The following CNTN3 variants were observed in gnomAD, a reference collection of about 807,000 sequenced individuals.
CNTN3 encodes contactin-3.
In CNTN3, 60 loss-of-function variants were observed where a neutral mutation model predicts 119.1. The observed-to-expected ratio is 0.50, with a 90% confidence interval of 0.41 to 0.62. CNTN3 has a LOEUF of 0.62. Ranked by LOEUF, CNTN3 falls within the 20% of genes least tolerant of loss-of-function variation. CNTN3 has a pLI of 0.00. For synonymous variants in CNTN3, 450 were observed against 438.7 expected (o/e 1.03, Z -0.32); for missense variants, 1,101 against 1,242.4 (o/e 0.89, Z 1.71).
At chr3:74,340,592 T>C (rs1056834875) in intron 11 of CNTN3, among the ~76,000 whole-genome samples, 1 of 152,150 alleles carries the variant, frequency 6.6e-6, no homozygotes, top group Non-Finnish European at 1.5e-5. Context: ...CCTATCATTG[T>C]TATTAAAAAG....
At chr3:74,565,549 A>C (rs1158569314) in intron 1 of CNTN3, among the ~76,000 whole-genome samples, 1 of 152,186 alleles carries the variant, frequency 6.6e-6, no homozygotes, top group Non-Finnish European at 1.5e-5. Flanking sequence ...CATAGGTTCC[A>C]GTGATGAAGA....
intron 20 of CNTN3, among the ~76,000 whole-genome samples, chr3:74,271,010 G>GTTTTTATTA (rs1025940325): frequency 6.6e-6 from 1 of 152,100 alleles, no homozygotes; most frequent in Admixed American, 6.5e-5. Context: ...CTCTCGAGAG[G>GTTTTTATTA]TTTTTATTAT....
At chr3:74,358,581 CTT>C (rs1278876442) in intron 11 of CNTN3, among the ~76,000 whole-genome samples, 2 of 130,908 alleles carry the variant, frequency 1.5e-5, no homozygotes. Flanking sequence ...GAAGTGTATT[CTT>C]TTTTTTTTTT....
At chr3:74,552,314 A>G (rs150108877) in intron 1 of CNTN3, among the ~76,000 whole-genome samples, 1 of 152,324 alleles carries the variant, frequency 6.6e-6, no homozygotes, top group Non-Finnish European at 1.5e-5. Flanking sequence ...AGTAAATTCC[A>G]AAGAAGTGCA....
At chr3:74,367,500 T>C (rs11926981) in intron 8 of CNTN3, among the ~76,000 whole-genome samples, 9,090 of 152,148 alleles carry the variant, frequency 0.06, 937 homozygotes, top group African/African-American at 0.2. Flanking sequence ...TTGCCACTGA[T>C]TGGTTTAGGA....
intron 4 of CNTN3, among the ~76,000 whole-genome samples, chr3:74,429,811 A>G (rs1218308364): frequency 6.6e-6 from 1 of 152,218 alleles, no homozygotes; most frequent in Non-Finnish European, 1.5e-5. Context: ...CGATTCCATT[A>G]GAAAATGGGA....
intron 1 of CNTN3, among the ~76,000 whole-genome samples, chr3:74,589,423 G>C (rs1704659419): frequency 6.8e-6 from 1 of 146,702 alleles, no homozygotes; most frequent in South Asian, 2.3e-4. Context: ...TCTCACACCA[G>C]TTAGAATGGC....
chr3:74,455,538 G>T (rs986836352), intron 4 of CNTN3, among the ~76,000 whole-genome samples: 3 of 152,084 alleles, frequency 2.0e-5, no homozygotes, highest in African/African-American at 4.8e-5. Context: ...TTCCATTGCT[G>T]GTGAGGAACT....
chr3:74,485,008 AG>A (rs1413310543), intron 4 of CNTN3, among the ~76,000 whole-genome samples: 4 of 152,342 alleles, frequency 2.6e-5, no homozygotes, highest in Admixed American at 1.3e-4. Flanking sequence ...GAGGTCTAGT[AG>A]TTGGCAGTAA....
chr3:74,453,765 C>A lies in CNTN3; in HGVS notation c.359-28825G>T, dbSNP rs1322311621. ...AACATCTTTATTTCTGCCTTCATTT[C>A]GTTATGTACCCAGTAGTCATTCAGG... On this transcript the variant is annotated intron_variant, in intron 4 of 22. Transcript: ENST00000263665. Among the ~76,000 whole-genome samples the A allele has an allele frequency of 4.6e-5, 7 of 151,344 alleles. No homozygotes were observed. The South Asian group carries it at 1.3e-3, about 27-fold the overall frequency.
At chr3:74,329,804 A>G (rs1703217694) in intron 13 of CNTN3, among the ~76,000 whole-genome samples, 1 of 152,244 alleles carries the variant, frequency 6.6e-6, no homozygotes, top group African/African-American at 2.4e-5. Flanking sequence ...TAGGTATAAT[A>G]GAACACTACC....
At chr3:74,453,998 G>A (rs1702213377) in intron 4 of CNTN3, among the ~76,000 whole-genome samples, 1 of 149,596 alleles carries the variant, frequency 6.7e-6, no homozygotes, top group Admixed American at 6.7e-5. Flanking sequence ...TTGATTTGGG[G>A]TGGAGAGTTC....
chr3:74,413,498 T>C (rs935155639), intron 5 of CNTN3, among the ~76,000 whole-genome samples: 2 of 152,178 alleles, frequency 1.3e-5, no homozygotes, highest in African/African-American at 2.4e-5. Context: ...AAATGGGAAA[T>C]GCATGTGCCA....
chr3:74,470,667 G>A (rs922904684), intron 4 of CNTN3, among the ~76,000 whole-genome samples: 3 of 152,126 alleles, frequency 2.0e-5, no homozygotes, highest in African/African-American at 7.2e-5. Context: ...AGGTGGAATA[G>A]AAACTTTTCA....
intron 11 of CNTN3, among the ~76,000 whole-genome samples, chr3:74,347,043 GCAGTAAGT>G (rs369833332): frequency 2.6e-4 from 39 of 152,242 alleles, no homozygotes; most frequent in Middle Eastern, 3.4e-3. Flanking sequence ...TACTTAAAAT[GCAGTAAGT>G]GTTTTGGAAA....
chr3:74,417,823 G>T (rs1701549242), intron 5 of CNTN3, among the ~76,000 whole-genome samples: 1 of 152,114 alleles, frequency 6.6e-6, no homozygotes, highest in African/African-American at 2.4e-5. Context: ...TTAATATTCT[G>T]AACTCCTGAA....
chr3:74,322,654 A>G (rs551778221), intron 13 of CNTN3, among the ~76,000 whole-genome samples: 2 of 152,334 alleles, frequency 1.3e-5, no homozygotes, highest in African/African-American at 4.8e-5. Context: ...ACTTACCAAA[A>G]TGAACTGAAA....
intron 11 of CNTN3, among the ~76,000 whole-genome samples, chr3:74,339,939 A>C (rs1703493422): frequency 7.2e-6 from 1 of 138,518 alleles, no homozygotes; most frequent in Non-Finnish European, 1.6e-5. Flanking sequence ...AGATAGATAG[A>C]TAGCCAGCCC....
intron 4 of CNTN3, among the ~76,000 whole-genome samples, chr3:74,478,092 TAGA>T (rs1331115293): frequency 6.6e-6 from 1 of 151,952 alleles, no homozygotes; most frequent in Non-Finnish European, 1.5e-5. Context: ...GACAGGACAA[TAGA>T]AGAACAAAGT....
Sources: gnomAD v4.1 joint callset for allele counts (sites outside exome capture counted in the v4.1 genomes callset) on GRCh38, gnomAD v4.1.1 for gene constraint, MANE v1.5 for transcripts, NCBI Gene and HGNC (gene_info 2026-07-23, HGNC 2026-07-21) for gene names.